Variants in CPB1 observed in about 807,000 individuals in gnomAD.
CPB1 encodes the protein carboxypeptidase B1.
CPB1 carries 53 observed loss-of-function variants against 51.4 expected under a neutral mutation model. The observed-to-expected ratio is 1.03, with a 90% CI of 0.83 to 1.30. The LOEUF (loss-of-function observed/expected upper bound fraction) is 1.30. CPB1 is among the 50% of genes most tolerant of loss of function. The pLI is 0.00. For synonymous variants in CPB1, 189 were observed against 186.9 expected, an observed-to-expected ratio of 1.01 and a Z score of -0.09; for missense variants, 494 against 516.2, an observed-to-expected ratio of 0.96 and a Z score of 0.42.
At chr3:148,841,047 T>C in intron 5 of CPB1, 72 bp downstream of exon 5, 1 of 1,245,558 alleles carries the variant, frequency 8.0e-7, no homozygotes. Context: ...CATGAACATC[T>C]GTTTCACAGA....
intron 2 of CPB1, among the ~76,000 whole-genome samples, chr3:148,833,909 C>T (rs959208963): frequency 2.0e-5 from 3 of 152,074 alleles, no homozygotes; most frequent in African/African-American, 4.8e-5. Flanking sequence ...ATGAAAATGT[C>T]AGTACATGAC....
intron 2 of CPB1, among the ~76,000 whole-genome samples, chr3:148,833,912 T>C (rs1169828084): frequency 2.0e-5 from 3 of 152,074 alleles, no homozygotes; most frequent in African/African-American, 7.2e-5. Context: ...AAAATGTCAG[T>C]ACATGACTGG....
Position 148,860,065 on chromosome 3 carries a change from C to G in CPB1, c.*63C>G. The G allele has an allele frequency of 1.4e-5, 22 of 1,530,808 alleles. No homozygotes were observed. Among genetic ancestry groups the G allele is most frequent in the Non-Finnish European group, 2.0e-5 (22 of 1,124,274 alleles). 94.8% of individuals were successfully genotyped at this position (1,530,808 alleles called of 1,614,324 possible). ...TTTCATTTCTTTTCTTTCTTGAATT[C>G]TTATTTTGGTTTGCCTGGATGTTTT... On this transcript the variant is annotated 3_prime_UTR_variant, in exon 11 of 11. Transcript: ENST00000282957.
intron 9 of CPB1, chr3:148,854,183 T>A (rs1713508698): frequency 6.6e-6 from 1 of 152,232 alleles, no homozygotes; most frequent in Non-Finnish European, 1.5e-5. Context: ...GTCAGTCATC[T>A]GGGTTGATTG....
chr3:148,835,149 C>T (rs1267243765), intron 3 of CPB1, among the ~76,000 whole-genome samples: 2 of 152,128 alleles, frequency 1.3e-5, no homozygotes, highest in Non-Finnish European at 2.9e-5. Flanking sequence ...AAAGAAAGGA[C>T]TAGAGTAGTT....
rs1414792682 is a variant in CPB1 at position 148,840,995 on chromosome 3, A to C, written c.474+20A>C. ...CTGAAGGTAATCATTTTTAACCATG[A>C]CCTTGCCATGTCTGAGGGCTTTAAA... On this transcript the variant is annotated intron_variant, in intron 5 of 10. Transcript: ENST00000282957. 6 of 1,595,600 alleles carry C rather than the reference A, an allele frequency of 3.8e-6. No individual in the cohort carries two copies. Among genetic ancestry groups the C allele is most frequent in the Non-Finnish European group, 5.2e-6 (6 of 1,163,990 alleles).
rs1712803752 is a variant in CPB1, at chr3:148,833,625, A to G, written c.148-873A>G. 2.6e-5 allele frequency among the ~76,000 whole-genome samples: 4 copies of G among 152,110 alleles called. 1 individual carries two copies. Among genetic ancestry groups the G allele is most frequent in the Admixed American group, 1.3e-4 (2 of 15,274 alleles). ...AATGTCAGGCTGACCTCAGACTTCT[A>G]GGCTTCCACTCGGCACAAGCAAGGA... On this transcript the variant is annotated intron_variant, in intron 2 of 10. Coordinates refer to ENST00000282957, the MANE Select transcript of CPB1 (RefSeq NM_001871.3).
At chr3:148,831,871 T>A (rs533988423) in intron 2 of CPB1, among the ~76,000 whole-genome samples, 1 of 152,218 alleles carries the variant, frequency 6.6e-6, no homozygotes, top group Non-Finnish European at 1.5e-5. Context: ...TCACCTTATG[T>A]TATTACTTTG....
chr3:148,846,183 A>G (rs1006846519), intron 9 of CPB1, among the ~76,000 whole-genome samples: 1 of 152,194 alleles, frequency 6.6e-6, no homozygotes, highest in South Asian at 2.1e-4. Context: ...TACCACATAC[A>G]GGGAATAAAG....
chr3:148,856,057 G>A (rs573753478), intron 9 of CPB1: 18 of 152,280 alleles, frequency 1.2e-4, no homozygotes, highest in African/African-American at 3.4e-4. Context: ...TAGTGTCTTC[G>A]TTACAATAAG....
Position 148,845,438 on chromosome 3 carries a change from C to A in CPB1, c.793C>A (p.Arg265=), listed in dbSNP as rs773201206. The change falls in exon 9 of 11, where the codon CGA becomes AGA. Residue 265 remains arginine (R), a synonymous_variant. Transcript: ENST00000282957. ...TGTTTTTCCAGAAATTGGAGCCTCT[C>A]GAAACCCCTGTGATGAAACTTACTG... ...DAGWCEIGAS[R]NPCDETYCGP... 1.2e-6 allele frequency: 2 copies of A among 1,613,820 alleles called. No homozygotes were observed. Among genetic ancestry groups the A allele is most frequent in the Non-Finnish European group, 1.7e-6 (2 of 1,179,792 alleles).
chr3:148,832,753 T>C (rs1712777896), intron 2 of CPB1, among the ~76,000 whole-genome samples: 3 of 152,192 alleles, frequency 2.0e-5, no homozygotes, highest in African/African-American at 7.2e-5. Context: ...TACCTGGAGC[T>C]GATAACTTGG....
At chr3:148,836,202 A>G (rs368624420) in intron 3 of CPB1, among the ~76,000 whole-genome samples, 1 of 151,988 alleles carries the variant, frequency 6.6e-6, no homozygotes, top group East Asian at 1.9e-4. Context: ...GTTTAACCCC[A>G]TTATCATGCC....
chr3:148,853,220 C>T (rs1713481690), intron 9 of CPB1, among the ~76,000 whole-genome samples: 1 of 152,080 alleles, frequency 6.6e-6, no homozygotes, highest in Non-Finnish European at 1.5e-5. Context: ...TGGTTTGGAG[C>T]TTTTGTTTTC....
chr3:148,828,123 G>C, intron 2 of CPB1, 46 bp downstream of exon 2: 1 of 1,421,188 alleles, frequency 7.0e-7, no homozygotes, highest in Non-Finnish European at 9.9e-7. Context: ...TAAAATCTTA[G>C]ATCGCACTGT....
chr3:148,860,096 T>A lies in CPB1; in HGVS notation c.*94T>A. Reference sequence around the variant, plus strand: ...TTGGTTTGCCTGGATGTTTTGCAGATCCCAATCTTTCTTTTAAGCTTCTGG... The same window carrying A: ...TTGGTTTGCCTGGATGTTTTGCAGAACCCAATCTTTCTTTTAAGCTTCTGG... On this transcript the variant is annotated 3_prime_UTR_variant, in exon 11 of 11. Transcript: ENST00000282957. 3.3e-6 allele frequency: 4 copies of A among 1,206,238 alleles called. No individual in the cohort carries two copies. In the South Asian group the frequency reaches 6.0e-5, roughly 18 times the overall value. 74.7% of individuals were successfully genotyped at this position (1,206,238 alleles called of 1,614,324 possible).
chr3:148,846,857 G>T (rs1713268443), intron 9 of CPB1, among the ~76,000 whole-genome samples: 1 of 110,860 alleles, frequency 9.0e-6, no homozygotes, highest in Non-Finnish European at 1.8e-5. Context: ...GCACCGCCAA[G>T]CATTTCAGTT....
At chr3:148,844,975 C>G (rs997456879) in intron 8 of CPB1, among the ~76,000 whole-genome samples, 7 of 151,548 alleles carry the variant, frequency 4.6e-5, no homozygotes, top group African/African-American at 1.7e-4. Context: ...GTGCTAGATG[C>G]TGAAAATATA....
chr3:148,833,704 C>A (rs1287807804), intron 2 of CPB1, among the ~76,000 whole-genome samples: 5 of 151,610 alleles, frequency 3.3e-5, no homozygotes, highest in East Asian at 3.9e-4. Flanking sequence ...TATTTTTCCA[C>A]TGAAAGGTGT....
Sources: gnomAD v4.1 joint callset for allele counts (sites outside exome capture counted in the v4.1 genomes callset) on GRCh38, gnomAD v4.1.1 for gene constraint, MANE v1.5 for transcripts, NCBI Gene and HGNC (gene_info 2026-07-23, HGNC 2026-07-21) for gene names.